Variants in IMMT observed in about 807,000 individuals in gnomAD.
The protein encoded by IMMT is inner membrane mitochondrial protein.
A neutral mutation model predicts 92.7 loss-of-function variants in IMMT; 40 were observed. That is an observed-to-expected ratio of 0.43 (90% confidence interval 0.34 to 0.56). IMMT has a LOEUF of 0.56. IMMT is among the 20% of genes least tolerant of loss of function. The pLI, the probability that IMMT is intolerant of heterozygous loss-of-function variation, is 0.03. For missense variants in IMMT, 831 were observed against 912.1 expected (o/e 0.91, Z 1.14); for synonymous variants, 322 against 336.1 (o/e 0.96, Z 0.46).
intron 7 of IMMT, among the ~76,000 whole-genome samples, chr2:86,164,140 C>CTCCA (rs926271624): frequency 1.6e-4 from 23 of 140,190 alleles, no homozygotes; most frequent in Non-Finnish European, 3.2e-4. Flanking sequence ...TCACCACAAC[C>CTCCA]TCCACCTCCC....
At chr2:86,178,832 C>T (rs1312651655) in intron 3 of IMMT, among the ~76,000 whole-genome samples, 1 of 152,062 alleles carries the variant, frequency 6.6e-6, no homozygotes, top group African/African-American at 2.4e-5. Context: ...GAGGCTGAGG[C>T]GGGCAGATCA....
intron 12 of IMMT, among the ~76,000 whole-genome samples, chr2:86,150,009 CTG>C (rs1675351157): frequency 6.6e-6 from 1 of 152,012 alleles, no homozygotes; most frequent in African/African-American, 2.4e-5. Context: ...CTGGTAGGAT[CTG>C]TGGGGCAACT....
chr2:86,148,247 A>G (rs1417708350), intron 12 of IMMT, among the ~76,000 whole-genome samples: 3 of 152,238 alleles, frequency 2.0e-5, no homozygotes, highest in African/African-American at 4.8e-5. Flanking sequence ...CCTTGGGGAA[A>G]TGATTTATCT....
At chr2:86,146,774 T>C (rs1197238934) in intron 13 of IMMT, among the ~76,000 whole-genome samples, 1 of 151,790 alleles carries the variant, frequency 6.6e-6, no homozygotes, top group Non-Finnish European at 1.5e-5. Flanking sequence ...CTGTATTTTA[T>C]TTTTGAGACA....
At chr2:86,179,891 C>G (rs960803970) in intron 2 of IMMT, among the ~76,000 whole-genome samples, 2 of 150,100 alleles carry the variant, frequency 1.3e-5, no homozygotes, top group Non-Finnish European at 3.0e-5. Context: ...CCCTAGGCAC[C>G]ACAGTAAGGC....
chr2:86,171,112 G>A, intron 5 of IMMT, 96 bp downstream of exon 5: 1 of 1,095,786 alleles, frequency 9.1e-7, no homozygotes, highest in Non-Finnish European at 1.3e-6. Flanking sequence ...TAAACCTAGT[G>A]TAAATGTATA....
At chr2:86,148,553 C>T (rs114357849) in intron 12 of IMMT, among the ~76,000 whole-genome samples, 22 of 152,092 alleles carry the variant, frequency 1.4e-4, no homozygotes, top group South Asian at 2.1e-4. Flanking sequence ...CAGAGCTTGC[C>T]GTGAGCCAAG....
intron 3 of IMMT, among the ~76,000 whole-genome samples, chr2:86,175,778 A>G (rs767670880): frequency 5.3e-5 from 8 of 152,172 alleles, no homozygotes; most frequent in Non-Finnish European, 8.8e-5. Flanking sequence ...GAGGTGAGAA[A>G]ATTAACTTAG....
In IMMT at chr2:86,181,358, C is replaced by T; in HGVS notation, c.60G>A (p.Gly20=). The change falls in exon 2 of 15, where the codon GGG becomes GGA. Residue 20 remains glycine, a synonymous_variant. Transcript: ENST00000410111. ...GTCGCAATGGACGGAGGACAAACTT[C>T]CCACAGAGACAACTCTAAAGAAGGA... ...VTAAAQSCLC[G]KFVLRPLRPC... 1 of 1,613,334 alleles carries T rather than the reference C, an allele frequency of 6.2e-7. No homozygotes were observed. The highest frequency in any genetic ancestry group is 8.5e-7 in the Non-Finnish European group (1 of 1,179,444).
At chr2:86,159,937 C>CTT in intron 8 of IMMT, 4 of 239,740 alleles carry the variant, frequency 1.7e-5, no homozygotes, top group Non-Finnish European at 3.1e-5. Flanking sequence ...AATGTAATTG[C>CTT]TTTTTTTTTT....
At chr2:86,157,729 A>G (rs1675947323) in intron 10 of IMMT, among the ~76,000 whole-genome samples, 2 of 149,138 alleles carry the variant, frequency 1.3e-5, no homozygotes, top group South Asian at 4.3e-4. Flanking sequence ...CGGAGGTTGC[A>G]GTGAGCCAAG....
chr2:86,156,876 T>A (rs975311542), intron 10 of IMMT, among the ~76,000 whole-genome samples: 1 of 152,078 alleles, frequency 6.6e-6, no homozygotes, highest in Non-Finnish European at 1.5e-5. Context: ...ATATATCTAA[T>A]GCAAAGAGAC....
Position 86,185,060 on chromosome 2 carries a change from C to T in IMMT, c.46-3688G>A, listed in dbSNP as rs892060939. The stretch of plus-strand genomic sequence containing the variant: ...AAAATTAGCCGGGCGTGGCAGTGTG[C>T]GCCTGTAGTCCCAGCTACTCGGGAG... On this transcript the variant is annotated intron_variant, in intron 1 of 14. Transcript: ENST00000410111. 2.6e-5 allele frequency among the ~76,000 whole-genome samples: 4 copies of T among 151,854 alleles called. No homozygotes were observed. The East Asian group carries it at 5.8e-4, about 22-fold the overall frequency.
intron 2 of IMMT, among the ~76,000 whole-genome samples, chr2:86,180,314 G>T (rs1262323546): frequency 6.6e-6 from 1 of 151,920 alleles, no homozygotes. Context: ...CCCTCAGGCT[G>T]GAGTGCGATG....
At chr2:86,183,618 TC>T (rs1028552843) in intron 1 of IMMT, among the ~76,000 whole-genome samples, 3 of 132,948 alleles carry the variant, frequency 2.3e-5, no homozygotes, top group African/African-American at 8.2e-5. Context: ...TAGAGTAAAA[TC>T]TTCCTCATAC....
intron 8 of IMMT, among the ~76,000 whole-genome samples, chr2:86,160,922 C>G (rs1258368086): frequency 6.6e-6 from 1 of 152,048 alleles, no homozygotes; most frequent in Admixed American, 6.5e-5. Context: ...TAATCCAAAG[C>G]GAAACTGACT....
intron 1 of IMMT, among the ~76,000 whole-genome samples, chr2:86,182,540 T>C (rs569046924): frequency 5.3e-5 from 8 of 152,310 alleles, no homozygotes; most frequent in Admixed American, 3.9e-4. Context: ...TATTAAAAAG[T>C]ATTTCAATTA....
intron 3 of IMMT, among the ~76,000 whole-genome samples, chr2:86,175,854 T>C (rs908694783): frequency 2.6e-5 from 4 of 152,222 alleles, no homozygotes; most frequent in Admixed American, 6.5e-5. Context: ...GAAGTCATTC[T>C]GGGTAGGAGA....
At chr2:86,180,274 T>C (rs1376792345) in intron 2 of IMMT, among the ~76,000 whole-genome samples, 4 of 152,106 alleles carry the variant, frequency 2.6e-5, no homozygotes, top group African/African-American at 2.4e-5. Flanking sequence ...CTTTTTTTTA[T>C]TTTTTCTTGA....
Sources: allele counts gnomAD v4.1 joint callset (sites outside exome capture counted in the v4.1 genomes callset), GRCh38; gene constraint gnomAD v4.1.1; transcripts MANE v1.5; gene names NCBI Gene and HGNC (gene_info 2026-07-23, HGNC 2026-07-21).